The following RARB variants were observed in gnomAD, a reference collection of about 807,000 sequenced individuals.
RARB encodes retinoic acid receptor beta, also known as HBV-activated protein.
A neutral mutation model predicts 51.9 loss-of-function variants in RARB; 17 were observed. The ratio of observed to expected loss-of-function variants is 0.33; its 90% CI spans 0.22 to 0.49. The LOEUF (loss-of-function observed/expected upper bound fraction) is 0.49, where lower values mean the gene tolerates loss of function less well. Among genes scored for constraint, RARB ranks in the 20% least tolerant of loss-of-function variants. RARB has a pLI of 0.99. For missense variants in RARB, 369 were observed against 550.8 expected (o/e 0.67, Z 3.30); for synonymous variants, 215 against 195.4 (o/e 1.10, Z -0.84).
At chr3:25,253,471 A>G (rs1197111955) in intron 5 of RARB, among the ~76,000 whole-genome samples, 2 of 152,200 alleles carry the variant, frequency 1.3e-5, no homozygotes, top group Non-Finnish European at 2.9e-5. Flanking sequence ...GAAATAGTTA[A>G]TGTCCACATA....
chr3:24,999,511 T>C (rs544076412), intron 2 of RARB, among the ~76,000 whole-genome samples: 2 of 152,286 alleles, frequency 1.3e-5, no homozygotes, highest in African/African-American at 4.8e-5. Flanking sequence ...TACCAATACA[T>C]ACTTTTGTAC....
intron 2 of RARB, among the ~76,000 whole-genome samples, chr3:25,023,903 C>T (rs113119835): frequency 0.013 from 1,970 of 152,202 alleles, 47 homozygotes; most frequent in African/African-American, 0.043. Flanking sequence ...TAGAGGATTA[C>T]GTGAGTGTGA....
chr3:25,015,350 G>C (rs934413753), intron 2 of RARB, among the ~76,000 whole-genome samples: 1 of 152,074 alleles, frequency 6.6e-6, no homozygotes, highest in Non-Finnish European at 1.5e-5. Context: ...TCTTAGATGC[G>C]AGGAATACTT....
At chr3:25,205,884 C>T (rs1701530879) in intron 5 of RARB, among the ~76,000 whole-genome samples, 1 of 151,992 alleles carries the variant, frequency 6.6e-6, no homozygotes, top group Admixed American at 6.6e-5. Flanking sequence ...GTTAGGACTA[C>T]AGGCATGAGC....
At chr3:25,555,511 A>G (rs1700021972) in intron 3 of RARB, 1 of 152,188 alleles carries the variant, frequency 6.6e-6, no homozygotes, top group South Asian at 2.1e-4. Context: ...TACCTGGAAC[A>G]TAGTGGATCC....
intron 1 of RARB, among the ~76,000 whole-genome samples, chr3:24,848,718 A>G (rs1702516002): frequency 2.0e-5 from 3 of 152,222 alleles, no homozygotes; most frequent in Admixed American, 1.3e-4. Flanking sequence ...ATTGCAACGT[A>G]GCAGCATATT....
At chr3:25,308,629 A>G (rs1237128604) in intron 5 of RARB, among the ~76,000 whole-genome samples, 1 of 151,894 alleles carries the variant, frequency 6.6e-6, no homozygotes, top group African/African-American at 2.4e-5. Flanking sequence ...TTGTATTTTT[A>G]GTAGGACAGG....
At chr3:25,186,768 C>A (rs79790147) in intron 5 of RARB, among the ~76,000 whole-genome samples, 9 of 151,948 alleles carry the variant, frequency 5.9e-5, no homozygotes, top group African/African-American at 2.2e-4. Context: ...AGATTCATGA[C>A]TGAGACACCT....
chr3:24,879,237 G>C (rs1428463773), intron 2 of RARB, among the ~76,000 whole-genome samples: 1 of 151,480 alleles, frequency 6.6e-6, no homozygotes, highest in Non-Finnish European at 1.5e-5. Flanking sequence ...AGACCATCCT[G>C]GCTAACACAG....
chr3:25,072,803 G>T (rs1227409185), intron 3 of RARB, among the ~76,000 whole-genome samples: 1 of 151,928 alleles, frequency 6.6e-6, no homozygotes, highest in Non-Finnish European at 1.5e-5. Context: ...CCGCCTCCTG[G>T]GTTCACGCCA....
intron 3 of RARB, among the ~76,000 whole-genome samples, chr3:25,131,711 C>G (rs745737034): frequency 6.6e-6 from 1 of 151,936 alleles, no homozygotes; most frequent in Non-Finnish European, 1.5e-5. Flanking sequence ...CCATTTGCCA[C>G]GCTGTCCAGT....
chr3:24,917,574 A>G (rs1185642578), intron 2 of RARB, among the ~76,000 whole-genome samples: 2 of 152,350 alleles, frequency 1.3e-5, no homozygotes, highest in Non-Finnish European at 2.9e-5. Flanking sequence ...TCTGTCACCC[A>G]GACTAGAGTA....
At chr3:25,562,714 C>A (rs997458412) in intron 3 of RARB, among the ~76,000 whole-genome samples, 2 of 152,210 alleles carry the variant, frequency 1.3e-5, no homozygotes, top group Non-Finnish European at 2.9e-5. Flanking sequence ...AAAACTAAAT[C>A]TCTTGCCTTG....
chr3:25,411,391 A>C (rs1022916627), intron 5 of RARB, among the ~76,000 whole-genome samples: 1 of 152,218 alleles, frequency 6.6e-6, no homozygotes, highest in Non-Finnish European at 1.5e-5. Flanking sequence ...CTTTTCCCTC[A>C]ACTCACAAGG....
At chr3:25,372,168 G>A (rs755360950) in intron 5 of RARB, among the ~76,000 whole-genome samples, 1 of 152,202 alleles carries the variant, frequency 6.6e-6, no homozygotes, top group Non-Finnish European at 1.5e-5. Context: ...TTAAACAGGA[G>A]CATGACATGG....
At chr3:25,072,716 A>G (rs952169987) in intron 3 of RARB, among the ~76,000 whole-genome samples, 1 of 148,606 alleles carries the variant, frequency 6.7e-6, no homozygotes, top group Non-Finnish European at 1.5e-5. Flanking sequence ...TTTTTTATTT[A>G]TTTTTTTTTT....
rs138907199 is a variant in RARB, at chr3:25,339,915, T to C, written c.179-121278T>C. ...CACAACTCTGGCTGCAGTTTTTATATTGCAATTTAAACAATTTCTAAAAAA... is the reference window on the plus strand; with the variant it reads ...CACAACTCTGGCTGCAGTTTTTATACTGCAATTTAAACAATTTCTAAAAAA... On this transcript the variant is annotated intron_variant, in intron 5 of 11. Transcript: ENST00000383772. Among the ~76,000 whole-genome samples the C allele has an allele frequency of 2.2e-4, 34 of 152,330 alleles. 1 individual carries two copies. In the East Asian group the frequency reaches 6.6e-3, roughly 29 times the overall value.
At chr3:25,124,293 G>A (rs542023967) in intron 3 of RARB, among the ~76,000 whole-genome samples, 1 of 152,294 alleles carries the variant, frequency 6.6e-6, no homozygotes, top group South Asian at 2.1e-4. Context: ...AGGATCACTT[G>A]AACCCAGGAG....
At chr3:25,377,821 A>G (rs1699655257) in intron 5 of RARB, among the ~76,000 whole-genome samples, 1 of 152,192 alleles carries the variant, frequency 6.6e-6, no homozygotes, top group Admixed American at 6.5e-5. Flanking sequence ...TTAACCCAAC[A>G]CACTCATTTT....
Sources: allele counts gnomAD v4.1 joint callset (sites outside exome capture counted in the v4.1 genomes callset), GRCh38; gene constraint gnomAD v4.1.1; transcripts MANE v1.5; gene names NCBI Gene and HGNC (gene_info 2026-07-23, HGNC 2026-07-21).